Variants in BMPR1B observed in about 807,000 individuals in gnomAD.
The protein encoded by BMPR1B is bone morphogenetic protein receptor type-1B.
Under a neutral mutation model 59.1 loss-of-function variants are expected in BMPR1B, and 12 were observed. That is an observed-to-expected ratio of 0.20 (90% CI 0.13 to 0.33). The LOEUF (loss-of-function observed/expected upper bound fraction) is 0.33. BMPR1B is among the 10% of genes least tolerant of loss of function. The pLI is 1.00. For synonymous variants in BMPR1B, 237 were observed against 207.3 expected, an observed-to-expected ratio of 1.14 and a Z score of -1.23; for missense variants, 550 against 610.9, an observed-to-expected ratio of 0.90 and a Z score of 1.05.
intron 2 of BMPR1B, among the ~76,000 whole-genome samples, chr4:94,943,463 A>G (rs533809660): frequency 6.6e-6 from 1 of 152,284 alleles, no homozygotes; most frequent in African/African-American, 2.4e-5. Flanking sequence ...TCTACTCAGC[A>G]TATCTGTTCC....
intron 2 of BMPR1B, among the ~76,000 whole-genome samples, chr4:94,926,062 C>CT (rs1560550500): frequency 1.2e-5 from 1 of 85,374 alleles, no homozygotes; most frequent in African/African-American, 5.5e-5. Flanking sequence ...TCCCTCCCCC[C>CT]CAATCCCTCC....
chr4:94,771,174 T>C (rs1481425563), intron 1 of BMPR1B, among the ~76,000 whole-genome samples: 1 of 152,192 alleles, frequency 6.6e-6, no homozygotes. Flanking sequence ...GGTGGTTTTC[T>C]TTTATATGTT....
chr4:95,145,337 A>G (rs529470438), intron 10 of BMPR1B, among the ~76,000 whole-genome samples: 2 of 152,150 alleles, frequency 1.3e-5, no homozygotes, highest in African/African-American at 2.4e-5. Context: ...GCCCTTGTGC[A>G]GTATCTATCT....
At chr4:95,077,609 T>C (rs151301303) in intron 3 of BMPR1B, among the ~76,000 whole-genome samples, 38 of 152,310 alleles carry the variant, frequency 2.5e-4, no homozygotes, top group African/African-American at 9.1e-4. Flanking sequence ...AAAGTGAATG[T>C]GATATTTCCT....
At chr4:95,135,989 G>T (rs1166270801) in intron 10 of BMPR1B, among the ~76,000 whole-genome samples, 3 of 152,070 alleles carry the variant, frequency 2.0e-5, no homozygotes, top group Admixed American at 6.6e-5. Context: ...GTATGATATT[G>T]GCCATGGGTT....
At chr4:94,953,000 T>C (rs1416507408) in intron 2 of BMPR1B, among the ~76,000 whole-genome samples, 1 of 152,236 alleles carries the variant, frequency 6.6e-6, no homozygotes, top group African/African-American at 2.4e-5. Context: ...ATTGATCCCT[T>C]TACCATTATG....
chr4:94,876,496 T>A (rs1363717945), intron 2 of BMPR1B, among the ~76,000 whole-genome samples: 3 of 152,236 alleles, frequency 2.0e-5, no homozygotes, highest in Non-Finnish European at 4.4e-5. Flanking sequence ...TCAAATGCTA[T>A]TACGAATGCT....
intron 2 of BMPR1B, among the ~76,000 whole-genome samples, chr4:94,902,216 T>TCACACACACACA (rs748411550): frequency 7.8e-5 from 6 of 77,394 alleles, no homozygotes; most frequent in African/African-American, 9.9e-5. Context: ...GAAATTCAAT[T>TCACACACACACA]CACACACACA....
chr4:94,796,067 C>T (rs376838833), intron 1 of BMPR1B, among the ~76,000 whole-genome samples: 69 of 151,740 alleles, frequency 4.5e-4, no homozygotes, highest in East Asian at 1.8e-3. Context: ...TGGGTTCAAG[C>T]GATTCTACTG....
chr4:94,853,333 A>C (rs150422106), intron 1 of BMPR1B, among the ~76,000 whole-genome samples: 1 of 152,192 alleles, frequency 6.6e-6, no homozygotes, highest in African/African-American at 2.4e-5. Flanking sequence ...ACTGTGTCCA[A>C]TTGTAAAGCT....
At chr4:94,983,987 A>G (rs1721253030) in intron 2 of BMPR1B, among the ~76,000 whole-genome samples, 2 of 152,252 alleles carry the variant, frequency 1.3e-5, no homozygotes, top group Admixed American at 6.5e-5. Flanking sequence ...GAAGGATTAG[A>G]ACTGCTAATT....
At chr4:94,843,535 T>A (rs1725183331) in intron 1 of BMPR1B, among the ~76,000 whole-genome samples, 1 of 152,202 alleles carries the variant, frequency 6.6e-6, no homozygotes, top group African/African-American at 2.4e-5. Flanking sequence ...GAACTGGAGT[T>A]CTTTTATTCT....
At chr4:94,887,254 C>T (rs1210476583) in intron 2 of BMPR1B, among the ~76,000 whole-genome samples, 4 of 149,576 alleles carry the variant, frequency 2.7e-5, no homozygotes, top group South Asian at 4.2e-4. Context: ...AAAAAGGTGC[C>T]TTTAAACTAG....
At chr4:94,831,265 T>G (rs1724577761) in intron 1 of BMPR1B, among the ~76,000 whole-genome samples, 1 of 119,022 alleles carries the variant, frequency 8.4e-6, no homozygotes, top group African/African-American at 3.1e-5. Context: ...AGAAGAAAGC[T>G]TATAGAATAA....
chr4:95,100,893 T>C (rs1730772624), intron 3 of BMPR1B, among the ~76,000 whole-genome samples: 2 of 150,822 alleles, frequency 1.3e-5, no homozygotes, highest in Admixed American at 1.3e-4. Flanking sequence ...GTATTAATAA[T>C]AATTTTTTAA....
At chr4:94,874,950 G>A (rs374615813) in intron 1 of BMPR1B, among the ~76,000 whole-genome samples, 1 of 152,070 alleles carries the variant, frequency 6.6e-6, no homozygotes, top group African/African-American at 2.4e-5. Context: ...CCGAGATCGC[G>A]CCACTGTAGT....
intron 1 of BMPR1B, among the ~76,000 whole-genome samples, chr4:94,781,148 C>A (rs1722574839): frequency 1.3e-5 from 2 of 152,064 alleles, no homozygotes; most frequent in African/African-American, 4.8e-5. Flanking sequence ...TAGTCAGATT[C>A]TTAGTCCATT....
chr4:95,146,720 G>T (rs1734675697), intron 10 of BMPR1B, among the ~76,000 whole-genome samples: 1 of 152,146 alleles, frequency 6.6e-6, no homozygotes, highest in African/African-American at 2.4e-5. Flanking sequence ...TCTTCCTCAT[G>T]ATTAAAAATT....
At chr4:94,799,723 C>T (rs1723334294) in intron 1 of BMPR1B, among the ~76,000 whole-genome samples, 2 of 151,922 alleles carry the variant, frequency 1.3e-5, no homozygotes, top group East Asian at 1.9e-4. Context: ...CAGAGTCTCA[C>T]TCTGTCACCC....
Sources: allele counts gnomAD v4.1 joint callset (sites outside exome capture counted in the v4.1 genomes callset), GRCh38; gene constraint gnomAD v4.1.1; transcripts MANE v1.5; gene names NCBI Gene and HGNC (gene_info 2026-07-23, HGNC 2026-07-21).